Variants in APCDD1L observed in about 807,000 individuals in gnomAD.
APCDD1L encodes protein APCDD1-like.
A neutral mutation model predicts 24.2 loss-of-function variants in APCDD1L; 21 were observed. The ratio of observed to expected loss-of-function variants is 0.87; its 90% CI spans 0.61 to 1.25. The LOEUF is 1.25. Ranked by LOEUF, APCDD1L falls within the 50% of genes most tolerant of loss-of-function variation. The probability of loss-of-function intolerance (pLI) is 0.00; values close to 1 mark genes in which losing one functional copy is unlikely to be tolerated. For missense variants in APCDD1L, 704 were observed against 711.7 expected (o/e 0.99, Z 0.12); for synonymous variants, 321 against 323.6 (o/e 0.99, Z 0.09).
intron 1 of APCDD1L, among the ~76,000 whole-genome samples, chr20:58,505,174 T>C (rs1990509898): frequency 6.6e-6 from 1 of 152,244 alleles, no homozygotes; most frequent in African/African-American, 2.4e-5. Context: ...CATGAAAACA[T>C]AATTAGAATC....
intron 1 of APCDD1L, among the ~76,000 whole-genome samples, chr20:58,486,948 G>A (rs112055197): frequency 1.9e-3 from 235 of 126,960 alleles, no homozygotes; most frequent in African/African-American, 6.3e-3. Context: ...TGCAACCTCC[G>A]CCTCCCAGGT....
chr20:58,488,235 C>A (rs1252441211), intron 1 of APCDD1L, among the ~76,000 whole-genome samples: 1 of 152,166 alleles, frequency 6.6e-6, no homozygotes, highest in African/African-American at 2.4e-5. Flanking sequence ...TTATACACTA[C>A]CTGCCCTATA....
intron 1 of APCDD1L, among the ~76,000 whole-genome samples, chr20:58,498,022 G>C (rs1396478723): frequency 6.6e-6 from 1 of 152,142 alleles, no homozygotes; most frequent in East Asian, 1.9e-4. Context: ...GTGGTGGGCT[G>C]TTTTTAAAAT....
chr20:58,507,550 C>A (rs991769933), intron 1 of APCDD1L, among the ~76,000 whole-genome samples: 1 of 152,142 alleles, frequency 6.6e-6, no homozygotes, highest in Admixed American at 6.5e-5. Context: ...CACACCCCGA[C>A]ACACACACAG....
At position 58,515,052 on chromosome 20, in the gene APCDD1L, T is replaced by G; in HGVS notation, c.-345A>C. 4.4e-6 allele frequency: 1 copy of G among 227,148 alleles called. No homozygotes were observed. The highest frequency in any genetic ancestry group is 8.4e-6 in the Non-Finnish European group (1 of 119,392). 14.1% of individuals were successfully genotyped at this position (227,148 alleles called of 1,614,324 possible). A position where few individuals can be genotyped will look rare whatever the true frequency, so the allele number is the denominator to read the frequency against. ...AGATGTCCGTCCCCTGGCCGTCGCCTTCCCCAAAGTCTTCGCAGTGGGCAA... is the reference window on the plus strand; with the variant it reads ...AGATGTCCGTCCCCTGGCCGTCGCCGTCCCCAAAGTCTTCGCAGTGGGCAA... On this transcript the variant is annotated 5_prime_UTR_variant, in exon 1 of 4. Coordinates refer to ENST00000371149, the MANE Select transcript of APCDD1L (RefSeq NM_153360.3).
Position 58,460,940 on chromosome 20 carries a change from C to G in APCDD1L, c.1356G>C (p.Leu452=), listed in dbSNP as rs766101053. ...CGGGGGCCTCCCCATGACAGAGCAC[C>G]AGGGGTGCTTGGTAGGAGGTGGGAC... The part of the protein sequence containing the change: ...EKRPTSYQAP[L]VLCHGEAPDF... Residue 452 remains leucine (L), a synonymous_variant, in exon 4 of 4, where the codon CTG becomes CTC. Coordinates refer to ENST00000371149, the MANE Select transcript of APCDD1L (RefSeq NM_153360.3). This position sits in a 1 kb window ranked among gnomAD's most constrained non-coding sequence, Gnocchi z 4.2. 1.2e-6 allele frequency: 2 copies of G among 1,613,872 alleles called. No individual in the cohort carries two copies. Among genetic ancestry groups the G allele is most frequent in the Non-Finnish European group, 1.7e-6 (2 of 1,179,954 alleles).
intron 1 of APCDD1L, among the ~76,000 whole-genome samples, chr20:58,472,265 G>A (rs757723060): frequency 1.3e-5 from 2 of 152,184 alleles, no homozygotes; most frequent in African/African-American, 4.8e-5. Context: ...ACTGGGTGTG[G>A]ACCCCTTGCT....
rs1990289694 is a variant in APCDD1L at position 58,494,805 on chromosome 20, C to T, written c.49+19854G>A. On this transcript the variant is annotated intron_variant, in intron 1 of 3. Transcript: ENST00000371149. This position sits in a 1 kb window ranked among gnomAD's most constrained non-coding sequence, Gnocchi z 4.8. ...CTCACGATCATCTCCTGGCATTCTG[C>T]ACCCACTGAGCGCCTGGCAGTCCCT... Among the ~76,000 whole-genome samples the T allele has an allele frequency of 6.6e-6, 1 of 152,304 alleles. No homozygotes were observed. The highest frequency in any genetic ancestry group is 2.4e-5 in the African/African-American group (1 of 41,552).
chr20:58,510,489 C>T (rs2123198019), intron 1 of APCDD1L, among the ~76,000 whole-genome samples: 1 of 152,318 alleles, frequency 6.6e-6, no homozygotes, highest in East Asian at 1.9e-4. Context: ...CCTGACACCA[C>T]ACCCAGCTAA....
At chr20:58,473,734 T>C (rs377005188) in intron 1 of APCDD1L, among the ~76,000 whole-genome samples, 4 of 152,336 alleles carry the variant, frequency 2.6e-5, no homozygotes, top group South Asian at 2.1e-4. Flanking sequence ...ATGGACCAAA[T>C]TGACTTTTAT....
Position 58,467,169 on chromosome 20 carries a change from G to A in APCDD1L, c.678C>T (p.Thr226=). The stretch of plus-strand genomic sequence containing the variant: ...GGTAGTGCCGCCTCTCCGCCGGGTC[G>A]GTGTGGATGTCCCCCAGGTACAGCT... ...VEELYLGDIH[T]DPAERRHYRP... Residue 226 remains threonine (T), a synonymous_variant, in exon 3 of 4, where the codon ACC becomes ACT. Transcript: ENST00000371149. This position sits in a 1 kb window ranked among gnomAD's most constrained non-coding sequence, Gnocchi z 5.9. 5 of 1,607,484 alleles carry A rather than the reference G, an allele frequency of 3.1e-6. No individual in the cohort carries two copies. The highest frequency in any genetic ancestry group is 4.2e-6 in the Non-Finnish European group (5 of 1,179,526).
chr20:58,460,699 AG>A lies in APCDD1L; in HGVS notation c.*90del. ...TGTGCATCCATCCATGACAGAGCAG[AG>A]GAGAATGGTTCCTTCCCTACAGCTG... On this transcript the variant is annotated 3_prime_UTR_variant, in exon 4 of 4. Coordinates refer to ENST00000371149, the MANE Select transcript of APCDD1L (RefSeq NM_153360.3). This position sits in a 1 kb window ranked among gnomAD's most constrained non-coding sequence, Gnocchi z 4.2. 1 of 1,403,398 alleles carries A rather than the reference AG, an allele frequency of 7.1e-7. No homozygotes were observed. Among genetic ancestry groups the A allele is most frequent in the Non-Finnish European group, 9.5e-7 (1 of 1,053,478 alleles). 86.9% of individuals were successfully genotyped at this position (1,403,398 alleles called of 1,614,324 possible). A position where few individuals can be genotyped will look rare whatever the true frequency, so the allele number is the denominator to read the frequency against.
At chr20:58,483,388 A>G (rs1193853536) in intron 1 of APCDD1L, among the ~76,000 whole-genome samples, 1 of 151,994 alleles carries the variant, frequency 6.6e-6, no homozygotes, top group Non-Finnish European at 1.5e-5. Flanking sequence ...AGTGTTTTCT[A>G]CGCTGGCTGT....
intron 3 of APCDD1L, among the ~76,000 whole-genome samples, chr20:58,462,579 C>G (rs987139840): frequency 2.6e-5 from 4 of 152,220 alleles, no homozygotes; most frequent in Non-Finnish European, 5.9e-5. Context: ...CACAGTGGCT[C>G]ACACCTGTAA....
chr20:58,499,257 C>T (rs1446241071), intron 1 of APCDD1L, among the ~76,000 whole-genome samples: 1 of 152,126 alleles, frequency 6.6e-6, no homozygotes, highest in Non-Finnish European at 1.5e-5. Flanking sequence ...ACACTACTGG[C>T]CACACCTAGC....
Position 58,461,254 on chromosome 20 carries a change from C to T in APCDD1L, c.1042G>A (p.Gly348Ser), listed in dbSNP as rs151131553. 181 of 1,613,380 alleles carry T rather than the reference C, an allele frequency of 1.1e-4. No individual in the cohort carries two copies. Among genetic ancestry groups the T allele is most frequent in the Admixed American group, 6.0e-4 (36 of 60,006 alleles). Residue 348 changes from glycine to serine, a missense_variant, in exon 4 of 4, where the codon GGC becomes AGC. Transcript: ENST00000371149. This position sits in a 1 kb window ranked among gnomAD's most constrained non-coding sequence, Gnocchi z 6.0. ...GTGACCTCAAACACCAGCTCGGTGCCGCCGCGGACCCTGGTGGATGGCGTG... is the reference window on the plus strand; with the variant it reads ...GTGACCTCAAACACCAGCTCGGTGCTGCCGCGGACCCTGGTGGATGGCGTG... ...RGTPSTRVRG[G>S]TELVFEVTRA...
intron 3 of APCDD1L, among the ~76,000 whole-genome samples, chr20:58,462,196 A>G (rs1225005811): frequency 6.6e-6 from 1 of 152,146 alleles, no homozygotes; most frequent in Non-Finnish European, 1.5e-5. Flanking sequence ...TTTGACCGTG[A>G]AAGTTGATCT....
At chr20:58,482,151 T>G (rs535380166) in intron 1 of APCDD1L, among the ~76,000 whole-genome samples, 1 of 152,354 alleles carries the variant, frequency 6.6e-6, no homozygotes, top group East Asian at 1.9e-4. Flanking sequence ...TACATTGTAT[T>G]GAGATTAAGT....
chr20:58,468,016 G>A (rs1000607539), intron 2 of APCDD1L, among the ~76,000 whole-genome samples: 7 of 152,118 alleles, frequency 4.6e-5, no homozygotes, highest in Non-Finnish European at 8.8e-5. Flanking sequence ...CTGGCCCAGA[G>A]CCCGCCCCAC....
Sources: gnomAD v4.1 joint callset for allele counts (sites outside exome capture counted in the v4.1 genomes callset) on GRCh38, gnomAD v4.1.1 for gene constraint, Gnocchi (gnomAD v3.1) non-coding constraint, MANE v1.5 for transcripts, NCBI Gene and HGNC (gene_info 2026-07-23, HGNC 2026-07-21) for gene names.